Variants in DBF4B observed in about 807,000 individuals in gnomAD.
DBF4B encodes DBF4B-CDC7 kinase regulatory subunit.
DBF4B carries 49 observed loss-of-function variants against 53.4 expected under a neutral mutation model. The observed-to-expected ratio is 0.92, with a 90% CI of 0.73 to 1.16. The LOEUF (loss-of-function observed/expected upper bound fraction) is 1.16. DBF4B is among the 50% of genes most tolerant of loss of function. The pLI, the probability that DBF4B is intolerant of heterozygous loss-of-function variation, is 0.00. For synonymous variants in DBF4B, 257 were observed against 288.7 expected (o/e 0.89, Z 1.11); for missense variants, 692 against 775.0 (o/e 0.89, Z 1.27).
intron 10 of DBF4B, among the ~76,000 whole-genome samples, chr17:44,742,298 T>C (rs892622443): frequency 1.3e-5 from 2 of 150,382 alleles, no homozygotes; most frequent in Non-Finnish European, 2.9e-5. Context: ...TAATCCCAGC[T>C]ACTTGGGAGG....
chr17:44,720,783 A>T (rs539733499), intron 2 of DBF4B, among the ~76,000 whole-genome samples: 1 of 152,050 alleles, frequency 6.6e-6, no homozygotes, highest in South Asian at 2.1e-4. Context: ...TTCCAATGTG[A>T]CTGCACGATT....
intron 3 of DBF4B, among the ~76,000 whole-genome samples, chr17:44,726,323 T>TATTTA (rs1555676221): frequency 4.2e-4 from 63 of 149,786 alleles, no homozygotes; most frequent in African/African-American, 1.5e-3. Context: ...TTTATTTATT[T>TATTTA]ATTTATTTAT....
At chr17:44,717,293 C>A (rs896835713) in intron 2 of DBF4B, among the ~76,000 whole-genome samples, 4 of 152,096 alleles carry the variant, frequency 2.6e-5, no homozygotes, top group Non-Finnish European at 5.9e-5. Context: ...GTGGATAGAT[C>A]TTTTCGTTTT....
intron 13 of DBF4B, chr17:44,748,804 A>G: frequency 1.5e-6 from 2 of 1,301,250 alleles, no homozygotes; most frequent in Non-Finnish European, 2.0e-6. Flanking sequence ...CTGCGGCACC[A>G]GGACAACTAG....
At chr17:44,717,906 G>A (rs1973469590) in intron 2 of DBF4B, among the ~76,000 whole-genome samples, 2 of 151,368 alleles carry the variant, frequency 1.3e-5, no homozygotes, top group African/African-American at 2.4e-5. Context: ...TGGTGCATGT[G>A]ATCCCAGCTA....
chr17:44,750,880 G>A lies in DBF4B; in HGVS notation c.1475G>A (p.Gly492Asp), dbSNP rs201641003. 9.3e-6 allele frequency: 15 copies of A among 1,614,146 alleles called. No individual in the cohort carries two copies. The East Asian group carries it at 2.9e-4, about 31-fold the overall frequency. Residue 492 changes from glycine to aspartate, a missense_variant, in exon 14 of 14, where the codon GGC becomes GAC. By Grantham distance (94) the Gly-to-Asp change is moderately conservative (BLOSUM62 -1). Coordinates refer to ENST00000315005, the MANE Select transcript of DBF4B (RefSeq NM_145663.3). ...SFAPADIPVK[G>D]PLLFPEARPW... ...GCCCCGGCGGACATTCCTGTTAAGG[G>A]CCCACTCCTCTTCCCTGAAGCCAGA...
intron 2 of DBF4B, among the ~76,000 whole-genome samples, chr17:44,713,338 G>A (rs554372854): frequency 2.5e-3 from 369 of 146,940 alleles, no homozygotes; most frequent in South Asian, 4.9e-3. Context: ...ACCACGCCCC[G>A]CCGACATTAT....
chr17:44,719,503 G>A (rs528305118), intron 2 of DBF4B, among the ~76,000 whole-genome samples: 1 of 152,202 alleles, frequency 6.6e-6, no homozygotes, highest in South Asian at 2.1e-4. Flanking sequence ...CTATAAATTT[G>A]CCTCTTCTGG....
rs777349094 is a variant in DBF4B at position 44,725,684 on chromosome 17, C to CTTCTTTTTTTTTT, written c.225+2664_225+2665insCTTTTTTTTTTTT. Reference sequence around the variant, plus strand: ...ATCCTGCCTTTGTTTTTTTGTGCTTCTTTTTTTTTTTTTTTTTTTTAAGAG... The same window carrying CTTCTTTTTTTTTT: ...ATCCTGCCTTTGTTTTTTTGTGCTTCTTCTTTTTTTTTTTTTTTTTTTTTTTTTTTTTTAAGAG... On this transcript the variant is annotated intron_variant, in intron 3 of 13. Transcript: ENST00000315005. Among the ~76,000 whole-genome samples the CTTCTTTTTTTTTT allele has an allele frequency of 7.7e-3, 673 of 87,620 alleles. 21 individuals are homozygous for CTTCTTTTTTTTTT. The highest frequency in any genetic ancestry group is 0.029 in the African/African-American group (595 of 20,838). The allele number at this position is 87,620 out of a possible 152,430, so 57.5% of individuals were successfully genotyped here. A position where few individuals can be genotyped will look rare whatever the true frequency, so the allele number is the denominator to read the frequency against.
chr17:44,730,567 T>C (rs986220350), intron 4 of DBF4B, among the ~76,000 whole-genome samples: 1 of 152,228 alleles, frequency 6.6e-6, no homozygotes, highest in Non-Finnish European at 1.5e-5. Flanking sequence ...AAAATGTCCA[T>C]GAACATACAC....
rs370155682 is a variant in DBF4B at position 44,722,959 on chromosome 17, C to T, written c.162C>T (p.Tyr54=). 34 of 1,614,178 alleles carry T rather than the reference C, an allele frequency of 2.1e-5. No individual in the cohort carries two copies. In the African/African-American group the frequency reaches 2.4e-4, roughly 11 times the overall value. The change falls in exon 3 of 14, where the codon TAC becomes TAT. Residue 54 remains tyrosine (Y), a synonymous_variant. Transcript: ENST00000315005. ...RKHPFSGKSF[Y]LDLPAGKNLQ... is the part of the protein sequence containing the mutation. The stretch of plus-strand genomic sequence containing the variant: ...ATCCCTTTTCCGGAAAGTCCTTTTA[C>T]TTGGATCTGCCTGCTGGCAAGAATC...
chr17:44,731,325 CTA>C, intron 5 of DBF4B: 1 of 318,572 alleles, frequency 3.1e-6, no homozygotes, highest in Non-Finnish European at 6.2e-6. Flanking sequence ...ACAAGTAACT[CTA>C]GGCTGGGTGT....
Position 44,751,322 on chromosome 17 carries a change from G to T in DBF4B, c.*69G>T. 1.3e-6 allele frequency: 2 copies of T among 1,537,428 alleles called. No individual in the cohort carries two copies. The highest frequency in any genetic ancestry group is 1.3e-5 in the South Asian group (1 of 79,560). On this transcript the variant is annotated 3_prime_UTR_variant, in exon 14 of 14. Coordinates refer to ENST00000315005, the MANE Select transcript of DBF4B (RefSeq NM_145663.3). ...TGCTGCTTGATGTGAATGAGGTCCC[G>T]CAGTGGCTCCTTGGCGTGAGCACTG...
At chr17:44,722,791 GCA>G in intron 2 of DBF4B, 87 bp from the exon 3 acceptor site, 1 of 1,443,056 alleles carries the variant, frequency 6.9e-7, no homozygotes, top group South Asian at 1.3e-5. Flanking sequence ...TGCTATTATA[GCA>G]CACAGACTGA....
chr17:44,710,999 T>G (rs1972822297), intron 2 of DBF4B, among the ~76,000 whole-genome samples: 1 of 110,576 alleles, frequency 9.0e-6, no homozygotes. Flanking sequence ...TTTTTTTTTT[T>G]TTTTGAGACA....
intron 10 of DBF4B, among the ~76,000 whole-genome samples, chr17:44,742,914 G>A (rs1231853651): frequency 6.6e-6 from 1 of 152,190 alleles, no homozygotes; most frequent in Admixed American, 6.6e-5. Flanking sequence ...TATAGACCAG[G>A]AGAGAACAGA....
rs755057442 is a variant in DBF4B, at chr17:44,747,199, C to T, written c.939+8C>T. 5.0e-5 allele frequency: 80 copies of T among 1,613,488 alleles called. No individual in the cohort carries two copies. The Middle Eastern group carries it at 8.2e-4, about 17-fold the overall frequency. ...TTCGAGGAGCTCCATGTGGTGAGCC[C>T]CTTCCCCATTAAGCAGCTGCTCCCA... On this transcript the variant is annotated splice_region_variant and intron_variant, in intron 11 of 13. Coordinates refer to ENST00000315005, the MANE Select transcript of DBF4B (RefSeq NM_145663.3).
In DBF4B at chr17:44,711,934, C is replaced by CA. The variant is rs534607737; in HGVS notation, c.82+2582dup. On this transcript the variant is annotated intron_variant, in intron 2 of 13. Coordinates refer to ENST00000315005, the MANE Select transcript of DBF4B (RefSeq NM_145663.3). ...TGGGCGACAGAGCAAGACTCTGTCTCAAAAAAAAAAAAAATTAGCTGGCGT... is the reference window on the plus strand; with the variant it reads ...TGGGCGACAGAGCAAGACTCTGTCTCAAAAAAAAAAAAAAATTAGCTGGCGT... Among the ~76,000 whole-genome samples the CA allele has an allele frequency of 8.0e-3, 773 of 96,598 alleles. 4 individuals carry two copies. Among genetic ancestry groups the CA allele is most frequent in the Middle Eastern group, 0.021 (3 of 142 alleles). The allele number at this position is 96,598 out of a possible 152,430, so 63.4% of individuals were successfully genotyped here. A position where few individuals can be genotyped will look rare whatever the true frequency, so the allele number is the denominator to read the frequency against.
At chr17:44,723,693 A>C (rs1974047767) in intron 3 of DBF4B, among the ~76,000 whole-genome samples, 1 of 151,894 alleles carries the variant, frequency 6.6e-6, no homozygotes, top group African/African-American at 2.4e-5. Context: ...TGGGAGGCGG[A>C]GTTTGCAGTA....
Sources: allele counts gnomAD v4.1 joint callset (sites outside exome capture counted in the v4.1 genomes callset), GRCh38; gene constraint gnomAD v4.1.1; transcripts MANE v1.5; gene names NCBI Gene and HGNC (gene_info 2026-07-23, HGNC 2026-07-21).